The following PCDHGB4 variants were observed in gnomAD, a reference collection of about 807,000 sequenced individuals.
PCDHGB4 encodes the protein protocadherin gamma-B4.
Under a neutral mutation model 60.5 loss-of-function variants are expected in PCDHGB4, and 38 were observed. That is an observed-to-expected ratio of 0.63 (90% CI 0.48 to 0.82). PCDHGB4 has a LOEUF of 0.82. PCDHGB4 is among the 40% of genes least tolerant of loss of function. The pLI is 0.00. For synonymous variants in PCDHGB4, 456 were observed against 509.7 expected (o/e 0.89, Z 1.42); for missense variants, 1,109 against 1,209.6 (o/e 0.92, Z 1.23).
rs369551410 is a variant in PCDHGB4, at chr5:141,415,294, G to A, written c.2397+25013G>A. ...GGTAGCGGTGGCCGCGGTCTCCTGC[G>A]TCTTCCTGGCCTTCGTCATCGTGCT... On this transcript the variant is annotated intron_variant, in intron 1 of 3. Transcript: ENST00000519479. 10 of 1,614,050 alleles carry A rather than the reference G, an allele frequency of 6.2e-6. No homozygotes were observed. In the African/African-American group the frequency reaches 1.1e-4, roughly 17 times the overall value.
At chr5:141,429,726 C>T (rs931967000) in intron 1 of PCDHGB4, among the ~76,000 whole-genome samples, 23 of 152,068 alleles carry the variant, frequency 1.5e-4, no homozygotes, top group Admixed American at 1.3e-4. Flanking sequence ...CATGAAAGTA[C>T]GTAGCCAGTT....
At chr5:141,421,813 G>A in intron 1 of PCDHGB4, 1 of 1,613,838 alleles carries the variant, frequency 6.2e-7, no homozygotes, top group Non-Finnish European at 8.5e-7. Flanking sequence ...TCCAGAGCTA[G>A]TACTGGAGGG....
chr5:141,392,862 T>C (rs1334405895), intron 1 of PCDHGB4: 2 of 1,612,696 alleles, frequency 1.2e-6, no homozygotes, highest in Non-Finnish European at 1.7e-6. Flanking sequence ...GATCCTGCTG[T>C]GCGCGCTGCT....
rs370067669 is a variant in PCDHGB4 at position 141,419,410 on chromosome 5, G to A, written c.2397+29129G>A. ...CGCAGAGCGGGGTGGTGTTCGCGCA[G>A]CGCGCCTTCGACCACGAGCAGCTGC... On this transcript the variant is annotated intron_variant, in intron 1 of 3. Coordinates refer to ENST00000519479, the MANE Select transcript of PCDHGB4 (RefSeq NM_003736.4). 140 of 1,613,468 alleles carry A rather than the reference G, an allele frequency of 8.7e-5. No individual in the cohort carries two copies. In the African/African-American group the frequency reaches 1.8e-3, roughly 20 times the overall value.
At chr5:141,457,524 G>A (rs1427291573) in intron 1 of PCDHGB4, among the ~76,000 whole-genome samples, 1 of 152,188 alleles carries the variant, frequency 6.6e-6, no homozygotes, top group African/African-American at 2.4e-5. Context: ...CAATTAATGA[G>A]ACTAGGGTTT....
intron 1 of PCDHGB4, among the ~76,000 whole-genome samples, chr5:141,425,482 C>T (rs1257043728): frequency 6.6e-6 from 1 of 152,192 alleles, no homozygotes; most frequent in Non-Finnish European, 1.5e-5. Context: ...CCTATGGCAA[C>T]CTACTAGGCT....
intron 1 of PCDHGB4, chr5:141,403,454 C>A: frequency 6.2e-7 from 1 of 1,614,054 alleles, no homozygotes; most frequent in Non-Finnish European, 8.5e-7. Flanking sequence ...GAACTCCCTC[C>A]AGAGCTACCA....
At position 141,511,239 on chromosome 5, in the gene PCDHGB4, C is replaced by A; in HGVS notation, c.*66C>A. On this transcript the variant is annotated 3_prime_UTR_variant, in exon 4 of 4. Coordinates refer to ENST00000519479, the MANE Select transcript of PCDHGB4 (RefSeq NM_003736.4). ...AACCAGCCCAGCTTCTCCTTACCTG[C>A]ACCCAGGCCTCAGAGTTTCAGGGCT... 1 of 1,587,938 alleles carries A rather than the reference C, an allele frequency of 6.3e-7. No homozygotes were observed. Among genetic ancestry groups the A allele is most frequent in the Admixed American group, 1.8e-5 (1 of 55,480 alleles).
chr5:141,482,492 T>C (rs1167963137), intron 1 of PCDHGB4, among the ~76,000 whole-genome samples: 1 of 144,468 alleles, frequency 6.9e-6, no homozygotes, highest in Non-Finnish European at 1.5e-5. Flanking sequence ...TTAAAAGTTA[T>C]CATTCTGGTA....
intron 1 of PCDHGB4, among the ~76,000 whole-genome samples, chr5:141,481,250 C>A (rs1160186962): frequency 2.6e-5 from 4 of 152,144 alleles, no homozygotes; most frequent in Non-Finnish European, 5.9e-5. Context: ...TAGCATAGCT[C>A]TAAAAGATCA....
intron 3 of PCDHGB4, among the ~76,000 whole-genome samples, chr5:141,509,109 G>A (rs893509101): frequency 5.3e-5 from 8 of 152,240 alleles, no homozygotes; most frequent in African/African-American, 1.9e-4. Flanking sequence ...AAACCTGAGC[G>A]CTGGTGCGTG....
chr5:141,485,067 C>G lies in PCDHGB4; in HGVS notation c.2398-9740C>G, dbSNP rs944494894. On this transcript the variant is annotated intron_variant, in intron 1 of 3. Transcript: ENST00000519479. This position sits in a 1 kb window ranked among gnomAD's most constrained non-coding sequence, Gnocchi z 5.7. Reference sequence around the variant, plus strand: ...CGGCGCCGGCCGAACCGCGCCAGAGCTGGCGCGGGGAAAGGGAGATAGGTG... The same window carrying G: ...CGGCGCCGGCCGAACCGCGCCAGAGGTGGCGCGGGGAAAGGGAGATAGGTG... 21 of 894,418 alleles carry G rather than the reference C, an allele frequency of 2.3e-5. No individual in the cohort carries two copies. The highest frequency in any genetic ancestry group is 1.8e-4 in the Admixed American group (8 of 43,320). 55.4% of individuals were successfully genotyped at this position (894,418 alleles called of 1,614,324 possible). A position where few individuals can be genotyped will look rare whatever the true frequency, so the allele number is the denominator to read the frequency against.
intron 1 of PCDHGB4, chr5:141,421,364 T>C (rs975166167): frequency 3.7e-6 from 6 of 1,613,994 alleles, no homozygotes; most frequent in African/African-American, 1.3e-5. Context: ...GGCTCCTTCG[T>C]GGGCAATATC....
At chr5:141,439,524 A>T (rs774174912) in intron 1 of PCDHGB4, among the ~76,000 whole-genome samples, 2 of 152,114 alleles carry the variant, frequency 1.3e-5, no homozygotes, top group Admixed American at 6.5e-5. Flanking sequence ...AACTAACTCT[A>T]CAGAACGCTG....
At chr5:141,481,844 G>A (rs552753850) in intron 1 of PCDHGB4, among the ~76,000 whole-genome samples, 7 of 151,350 alleles carry the variant, frequency 4.6e-5, no homozygotes, top group Admixed American at 1.3e-4. Context: ...TCGCTTGATG[G>A]TGGAGGTTGC....
At position 141,494,758 on chromosome 5, in the gene PCDHGB4, T is replaced by C. The variant is rs370692038; in HGVS notation, c.2398-49T>C. ...CCATCCCTAGGGGCTCGGGTGACAT[T>C]CTAACTTCTCACGGGTACTCAGCCC... On this transcript the variant is annotated intron_variant, in intron 1 of 3. Transcript: ENST00000519479. The C allele has an allele frequency of 1.3e-5, 21 of 1,613,682 alleles. No homozygotes were observed. The African/African-American group carries it at 2.7e-4, about 21-fold the overall frequency.
intron 1 of PCDHGB4, among the ~76,000 whole-genome samples, chr5:141,453,193 A>G (rs2098757675): frequency 6.6e-6 from 1 of 152,142 alleles, no homozygotes; most frequent in Admixed American, 6.5e-5. Context: ...AGCTCACTGC[A>G]GCCTCAACCT....
At chr5:141,437,778 G>C (rs750813139) in intron 1 of PCDHGB4, among the ~76,000 whole-genome samples, 1 of 146,836 alleles carries the variant, frequency 6.8e-6, no homozygotes, top group Non-Finnish European at 1.5e-5. Flanking sequence ...TCAATCTGTC[G>C]CCAAGCTGGA....
intron 1 of PCDHGB4, chr5:141,420,445 T>C: frequency 9.6e-7 from 1 of 1,044,750 alleles, no homozygotes; most frequent in Non-Finnish European, 1.3e-6. Context: ...AATGCCTCAG[T>C]CTTCCTACTA....
Sources: allele counts gnomAD v4.1 joint callset (sites outside exome capture counted in the v4.1 genomes callset), GRCh38; gene constraint gnomAD v4.1.1; non-coding constraint Gnocchi (gnomAD v3.1); transcripts MANE v1.5; gene names NCBI Gene and HGNC (gene_info 2026-07-23, HGNC 2026-07-21).